Variants in XPNPEP1 observed in about 807,000 individuals in gnomAD.
XPNPEP1 encodes X-prolyl aminopeptidase 1.
In XPNPEP1, 39 loss-of-function variants were observed where a neutral mutation model predicts 92.4. The ratio of observed to expected loss-of-function variants is 0.42; its 90% confidence interval spans 0.33 to 0.55. The LOEUF is 0.55. XPNPEP1 is among the 20% of genes least tolerant of loss of function. The probability of loss-of-function intolerance (pLI) is 0.08; values close to 1 mark genes in which losing one functional copy is unlikely to be tolerated. For synonymous variants in XPNPEP1, 307 were observed against 299.4 expected, an observed-to-expected ratio of 1.03 and a Z score of -0.26; for missense variants, 654 against 856.1, an observed-to-expected ratio of 0.76 and a Z score of 2.95.
chr10:109,873,439 A>C lies in XPNPEP1; in HGVS notation c.1392-12T>G, dbSNP rs532519020. 3.1e-6 allele frequency: 5 copies of C among 1,614,202 alleles called. No homozygotes were observed. The African/African-American group carries it at 4.0e-5, about 13-fold the overall frequency. On this transcript the variant is annotated splice_polypyrimidine_tract_variant and intron_variant, in intron 15 of 20. Transcript: ENST00000502935. ...CTGTGGTGCCATCCCTTTCCAAAAAAAGGACAAATTGGTTTCCCGTCAAAA... is the reference window on the plus strand; with the variant it reads ...CTGTGGTGCCATCCCTTTCCAAAAACAGGACAAATTGGTTTCCCGTCAAAA...
intron 20 of XPNPEP1, among the ~76,000 whole-genome samples, chr10:109,866,942 G>A (rs1461583919): frequency 7.2e-5 from 11 of 152,184 alleles, no homozygotes; most frequent in African/African-American, 1.7e-4. Context: ...ATTCTCCTTC[G>A]AGGAAAAATG....
In XPNPEP1 at chr10:109,907,231, A is replaced by T. The variant is rs576833850; in HGVS notation, c.246+460T>A. Among the ~76,000 whole-genome samples, 18 of 152,346 alleles carry T rather than the reference A, an allele frequency of 1.2e-4. 1 individual carries two copies. The South Asian group carries it at 3.7e-3, about 32-fold the overall frequency. ...GTTCATCTTTGCACCCTACAGCACC[A>T]TAACCACAGTGTAAGCACTCAAACA... On this transcript the variant is annotated intron_variant, in intron 3 of 20. Transcript: ENST00000502935.
chr10:109,890,633 A>C (rs2133442412), intron 5 of XPNPEP1, among the ~76,000 whole-genome samples: 1 of 151,724 alleles, frequency 6.6e-6, no homozygotes, highest in African/African-American at 2.4e-5. Context: ...AGAAAGGGAA[A>C]GAGAAATCAA....
chr10:109,923,354 G>C, intron 1 of XPNPEP1, 48 bp downstream of exon 1: 2 of 1,406,388 alleles, frequency 1.4e-6, no homozygotes, highest in Non-Finnish European at 1.9e-6. Context: ...GCCGCGCAGC[G>C]AGGGCTGCAC....
Position 109,886,228 on chromosome 10 carries a change from C to T in XPNPEP1, c.748+18G>A, listed in dbSNP as rs370500738. 90 of 1,612,998 alleles carry T rather than the reference C, an allele frequency of 5.6e-5. No individual in the cohort carries two copies. The highest frequency in any genetic ancestry group is 1.1e-4 in the African/African-American group (8 of 75,012). On this transcript the variant is annotated intron_variant, in intron 8 of 20. Coordinates refer to ENST00000502935, the MANE Select transcript of XPNPEP1 (RefSeq NM_020383.4). ...GAGATCGGGTAACATGCCCAAACAG[C>T]GAAACCAGAGCACTCACACGCAATC...
At chr10:109,873,342 C>G in intron 16 of XPNPEP1, 25 bp downstream of exon 16, 1 of 1,613,996 alleles carries the variant, frequency 6.2e-7, no homozygotes, top group Non-Finnish European at 8.5e-7. Context: ...GAGAGGACCT[C>G]TTGAGTTTTT....
chr10:109,886,942 T>G (rs879339865), intron 7 of XPNPEP1, among the ~76,000 whole-genome samples: 14 of 152,124 alleles, frequency 9.2e-5, no homozygotes, highest in Non-Finnish European at 1.5e-4. Context: ...CACTTGCCCT[T>G]TCAGACACTG....
chr10:109,875,917 G>A, intron 14 of XPNPEP1: 1 of 254,270 alleles, frequency 3.9e-6, no homozygotes, highest in South Asian at 4.7e-5. Context: ...CTAAAAAAAT[G>A]AGAACGATTA....
At chr10:109,916,651 C>T (rs1000829895) in intron 1 of XPNPEP1, among the ~76,000 whole-genome samples, 6 of 152,054 alleles carry the variant, frequency 3.9e-5, no homozygotes, top group Admixed American at 2.0e-4. Context: ...ATGTTCTTAA[C>T]GAGAGTAAAC....
Position 109,865,094 on chromosome 10 carries a change from A to T in XPNPEP1, c.*90T>A. The T allele has an allele frequency of 6.4e-7, 1 of 1,567,474 alleles. No individual in the cohort carries two copies. Among genetic ancestry groups the T allele is most frequent in the South Asian group, 1.1e-5 (1 of 87,202 alleles). ...AAGTAAAAAGGGGAGGTAGGGAAGA[A>T]GGAAAGGAAAGGGGAAAGATGTCAG... On this transcript the variant is annotated 3_prime_UTR_variant, in exon 21 of 21. Coordinates refer to ENST00000502935, the MANE Select transcript of XPNPEP1 (RefSeq NM_020383.4).
chr10:109,914,797 C>CA (rs35548906), intron 2 of XPNPEP1, among the ~76,000 whole-genome samples: 19,287 of 97,470 alleles, frequency 0.2, 2,899 homozygotes, highest in South Asian at 0.4. Flanking sequence ...GACTCCGTCT[C>CA]AAAAAAAAAA....
At chr10:109,873,692 C>A in intron 15 of XPNPEP1, 1 of 472,574 alleles carries the variant, frequency 2.1e-6, no homozygotes, top group Non-Finnish European at 3.8e-6. Flanking sequence ...GGTTCACAGC[C>A]ACATTATTCA....
rs1270117692 is a variant in XPNPEP1 at position 109,871,725 on chromosome 10, A to G, written c.1522+67T>C. 2.8e-5 allele frequency: 43 copies of G among 1,559,752 alleles called. No individual in the cohort carries two copies. In the South Asian group the frequency reaches 4.6e-4, roughly 17 times the overall value. On this transcript the variant is annotated intron_variant, in intron 17 of 20. Transcript: ENST00000502935. ...GAAGGAACGACATGTTCTTTCACTC[A>G]AACATAGACATATTTGATTCTCAAA...
At chr10:109,918,868 GA>G (rs1850355896) in intron 1 of XPNPEP1, among the ~76,000 whole-genome samples, 1 of 53,098 alleles carries the variant, frequency 1.9e-5, no homozygotes, top group African/African-American at 8.2e-5. Context: ...GGGAAGGAAG[GA>G]AGGAAGGAAG....
chr10:109,917,437 A>G (rs1373379203), intron 1 of XPNPEP1, among the ~76,000 whole-genome samples: 1 of 152,230 alleles, frequency 6.6e-6, no homozygotes, highest in African/African-American at 2.4e-5. Context: ...TGCAAAATGT[A>G]CACCACAAAA....
chr10:109,912,713 T>A (rs1849945734), intron 2 of XPNPEP1, among the ~76,000 whole-genome samples: 1 of 152,218 alleles, frequency 6.6e-6, no homozygotes, highest in African/African-American at 2.4e-5. Context: ...CATGTAAATG[T>A]TTAATGTTAT....
intron 6 of XPNPEP1, 126 bp from the exon 7 acceptor site, chr10:109,888,318 G>A: frequency 7.2e-7 from 1 of 1,380,256 alleles, no homozygotes; most frequent in Non-Finnish European, 9.7e-7. Context: ...TGGGTGTGCA[G>A]GATGAGGAAC....
chr10:109,880,347 C>A, intron 11 of XPNPEP1, 109 bp from the exon 12 acceptor site: 1 of 1,092,826 alleles, frequency 9.2e-7, no homozygotes, highest in Non-Finnish European at 1.4e-6. Context: ...CAGGGCCACA[C>A]ATCATCAGCA....
chr10:109,890,179 T>C (rs1040363703), intron 5 of XPNPEP1, among the ~76,000 whole-genome samples: 1 of 152,168 alleles, frequency 6.6e-6, no homozygotes, highest in Non-Finnish European at 1.5e-5. Context: ...ACCCCCTTGC[T>C]GCCACATACC....
Sources: gnomAD v4.1 joint callset for allele counts (sites outside exome capture counted in the v4.1 genomes callset) on GRCh38, gnomAD v4.1.1 for gene constraint, MANE v1.5 for transcripts, NCBI Gene and HGNC (gene_info 2026-07-23, HGNC 2026-07-21) for gene names.